Variants in COPS7B observed in about 807,000 individuals in gnomAD.
COPS7B encodes the protein COP9 signalosome complex subunit 7b.
COPS7B carries 9 observed loss-of-function variants against 33.4 expected under a neutral mutation model. That is an observed-to-expected ratio of 0.27 (90% CI 0.16 to 0.47). The LOEUF is 0.47. Ranked by LOEUF, COPS7B falls within the 20% of genes least tolerant of loss-of-function variation. COPS7B has a pLI of 0.99. For synonymous variants in COPS7B, 119 were observed against 126.3 expected (o/e 0.94, Z 0.39); for missense variants, 242 against 318.2 (o/e 0.76, Z 1.82).
At chr2:231,806,160 G>T (rs1035227251) in intron 6 of COPS7B, among the ~76,000 whole-genome samples, 1 of 152,052 alleles carries the variant, frequency 6.6e-6, no homozygotes, top group African/African-American at 2.4e-5. Context: ...CACCCTCATA[G>T]CATTGTTTTG....
chr2:231,781,725 C>T, upstream of COPS7B: 2 of 938,122 alleles, frequency 2.1e-6, no homozygotes, highest in Non-Finnish European at 1.7e-6. Context: ...GTGTGCCGCG[C>T]AGTGTGCGCA....
chr2:231,800,453 A>T (rs1039037040), intron 6 of COPS7B, among the ~76,000 whole-genome samples: 5 of 152,188 alleles, frequency 3.3e-5, no homozygotes, highest in Admixed American at 2.6e-4. Context: ...GTACAAAATG[A>T]GGTTGGGAGG....
At chr2:231,788,136 GTTTTTTT>G (rs576680336) in intron 1 of COPS7B, among the ~76,000 whole-genome samples, 2 of 114,108 alleles carry the variant, frequency 1.8e-5, no homozygotes, top group East Asian at 2.4e-4. Context: ...CTCAGGAACT[GTTTTTTT>G]TTTTTTTTTT....
upstream of COPS7B, chr2:231,786,350 G>A (rs971302236): frequency 1.1e-4 from 84 of 762,062 alleles, no homozygotes; most frequent in Non-Finnish European, 1.3e-4. Flanking sequence ...TAAACGCGGC[G>A]GGTGGAACCT....
chr2:231,804,483 G>A (rs961401887), intron 6 of COPS7B, among the ~76,000 whole-genome samples: 3 of 152,082 alleles, frequency 2.0e-5, no homozygotes, highest in Admixed American at 1.3e-4. Context: ...TCCTGACCTC[G>A]TGATCTGCCT....
At chr2:231,791,972 C>T (rs2049429472) in intron 3 of COPS7B, 164 bp downstream of exon 3, 1 of 707,944 alleles carries the variant, frequency 1.4e-6, no homozygotes, top group Non-Finnish European at 2.6e-6. Flanking sequence ...AGGGAATGTT[C>T]CTTCTCACCT....
At chr2:231,792,995 T>A (rs1278450479) in intron 3 of COPS7B, among the ~76,000 whole-genome samples, 1 of 152,170 alleles carries the variant, frequency 6.6e-6, no homozygotes, top group Non-Finnish European at 1.5e-5. Flanking sequence ...AGGGAATGTG[T>A]TCTGTTTTTC....
At chr2:231,790,371 AG>A (rs1171814108) in intron 2 of COPS7B, 5 of 152,206 alleles carry the variant, frequency 3.3e-5, no homozygotes, top group Admixed American at 1.3e-4. Flanking sequence ...GTTTCTGAAA[AG>A]GGGGGCTAGA....
chr2:231,796,048 C>A, intron 4 of COPS7B, 58 bp from the exon 5 acceptor site: 1 of 1,480,134 alleles, frequency 6.8e-7, no homozygotes, highest in Non-Finnish European at 9.4e-7. Flanking sequence ...GTAATACCTG[C>A]ATTTTCGCTA....
chr2:231,784,833 G>A (rs879590117), upstream of COPS7B, among the ~76,000 whole-genome samples: 2 of 152,140 alleles, frequency 1.3e-5, no homozygotes, highest in African/African-American at 4.8e-5. Flanking sequence ...GTATTTTTGA[G>A]ATGCAGTCTC....
At chr2:231,795,970 G>T in intron 4 of COPS7B, 136 bp from the exon 5 acceptor site, 1 of 658,838 alleles carries the variant, frequency 1.5e-6, no homozygotes, top group Non-Finnish European at 2.7e-6. Flanking sequence ...ACCTCTTGTT[G>T]CCCTAGCTAT....
chr2:231,807,313 C>G (rs903030531), intron 6 of COPS7B, among the ~76,000 whole-genome samples, 174 bp from the exon 7 acceptor site: 1 of 152,122 alleles, frequency 6.6e-6, no homozygotes, highest in African/African-American at 2.4e-5. Context: ...GACTCATTTC[C>G]ACAAATCTGC....
intron 6 of COPS7B, 56 bp downstream of exon 6, chr2:231,799,020 T>G: frequency 6.7e-7 from 1 of 1,490,622 alleles, no homozygotes; most frequent in African/African-American, 1.4e-5. Flanking sequence ...TTTATTCGTT[T>G]GCAGTGTTTA....
At chr2:231,803,485 G>T (rs10165245) in intron 6 of COPS7B, among the ~76,000 whole-genome samples, 108 of 152,188 alleles carry the variant, frequency 7.1e-4, no homozygotes, top group Admixed American at 1.4e-3. Flanking sequence ...TCTTTTTATT[G>T]CATGTCAGGG....
chr2:231,781,731 G>T, upstream of COPS7B: 4 of 1,044,634 alleles, frequency 3.8e-6, no homozygotes, highest in East Asian at 7.8e-5. Context: ...CGCGCAGTGT[G>T]CGCAAATTCA....
intron 4 of COPS7B, among the ~76,000 whole-genome samples, chr2:231,794,776 G>T (rs188430844): frequency 6.6e-6 from 1 of 152,140 alleles, no homozygotes; most frequent in Non-Finnish European, 1.5e-5. Context: ...TTGTTGTTGA[G>T]ACGGAGTCTC....
At chr2:231,801,600 C>G (rs1225473367) in intron 6 of COPS7B, among the ~76,000 whole-genome samples, 1 of 151,192 alleles carries the variant, frequency 6.6e-6, no homozygotes, top group Non-Finnish European at 1.5e-5. Flanking sequence ...CAGGTGTATG[C>G]TACCACACCT....
chr2:231,781,823 G>T (rs1011956775), upstream of COPS7B: 18 of 1,550,808 alleles, frequency 1.2e-5, no homozygotes, highest in East Asian at 2.7e-4. Context: ...CTCAAAAGAA[G>T]ATGACAGCCC....
intron 2 of COPS7B, among the ~76,000 whole-genome samples, chr2:231,791,384 A>G (rs2049411561): frequency 6.6e-6 from 1 of 152,238 alleles, no homozygotes; most frequent in African/African-American, 2.4e-5. Context: ...GTATGTAGAT[A>G]GGGCTGCTCC....
Sources: allele counts gnomAD v4.1 joint callset (sites outside exome capture counted in the v4.1 genomes callset), GRCh38; gene constraint gnomAD v4.1.1; transcripts MANE v1.5; gene names NCBI Gene and HGNC (gene_info 2026-07-23, HGNC 2026-07-21).